The following PPP2R1A variants were observed in gnomAD, a reference collection of about 807,000 sequenced individuals.
PPP2R1A encodes serine/threonine-protein phosphatase 2A 65 kDa regulatory subunit A alpha isoform.
In PPP2R1A, 15 loss-of-function variants were observed where a neutral mutation model predicts 67.1. That is an observed-to-expected ratio of 0.22 (90% CI 0.15 to 0.34). The LOEUF (loss-of-function observed/expected upper bound fraction) is 0.34, where lower values mean the gene tolerates loss of function less well. PPP2R1A is among the 10% of genes least tolerant of loss of function. The pLI, the probability that PPP2R1A is intolerant of heterozygous loss-of-function variation, is 1.00. For synonymous variants in PPP2R1A, 337 were observed against 325.0 expected (o/e 1.04, Z -0.40); for missense variants, 369 against 775.0 (o/e 0.48, Z 6.22).
In PPP2R1A at chr19:52,222,091, G is replaced by GC. The variant is rs1164316458; in HGVS notation, c.1519-3dup. 1.9e-6 allele frequency: 3 copies of GC among 1,604,342 alleles called. No individual in the cohort carries two copies. The highest frequency in any genetic ancestry group is 1.7e-6 in the Non-Finnish European group (2 of 1,175,420). On this transcript the variant is annotated splice_polypyrimidine_tract_variant and splice_region_variant and intron_variant, in intron 12 of 14. Coordinates refer to ENST00000322088, the MANE Select transcript of PPP2R1A (RefSeq NM_014225.6). ...GCATACTCACCCCTGCCACTCACTG[G>GC]CCCCCAGGTGCTGTCTGAGGTCTGT... is the stretch of plus-strand genomic sequence containing the variant.
At chr19:52,221,636 GT>G in intron 12 of PPP2R1A, among the ~76,000 whole-genome samples, 1 of 152,222 alleles carries the variant, frequency 6.6e-6, no homozygotes, top group African/African-American at 2.4e-5. Context: ...GATTAATCAG[GT>G]TATACACGCA....
intron 1 of PPP2R1A, among the ~76,000 whole-genome samples, chr19:52,200,687 G>A (rs1298917631): frequency 6.6e-6 from 1 of 152,174 alleles, no homozygotes; most frequent in African/African-American, 2.4e-5. Context: ...AGGCTCTGAG[G>A]GAGACCCATT....
intron 2 of PPP2R1A, among the ~76,000 whole-genome samples, chr19:52,204,476 T>C (rs2089582619): frequency 6.6e-6 from 1 of 152,088 alleles, no homozygotes; most frequent in Non-Finnish European, 1.5e-5. Flanking sequence ...CAGGCTTGGC[T>C]CAGAAGGAGC....
intron 13 of PPP2R1A, among the ~76,000 whole-genome samples, chr19:52,224,318 T>C (rs1979120644): frequency 6.6e-6 from 1 of 152,216 alleles, no homozygotes; most frequent in Non-Finnish European, 1.5e-5. Flanking sequence ...CAATTGACTC[T>C]TGGTGCAGGC....
Position 52,216,148 on chromosome 19 carries a change from G to C in PPP2R1A, c.993+74G>C, listed in dbSNP as rs1253623986. The C allele has an allele frequency of 2.0e-6, 3 of 1,517,124 alleles. No homozygotes were observed. The East Asian group carries it at 6.8e-5, about 34-fold the overall frequency. The allele number at this position is 1,517,124 out of a possible 1,614,324, so 94.0% of individuals were successfully genotyped here. On this transcript the variant is annotated intron_variant, in intron 8 of 14. Coordinates refer to ENST00000322088, the MANE Select transcript of PPP2R1A (RefSeq NM_014225.6). This position sits in a 1 kb window ranked among gnomAD's most constrained non-coding sequence, Gnocchi z 4.3. ...AAAGAGGGGCTGGAGACAAGGCTTTGGGGATAGTCAGCTGCAAACTAGGTT... is the reference window on the plus strand; with the variant it reads ...AAAGAGGGGCTGGAGACAAGGCTTTCGGGATAGTCAGCTGCAAACTAGGTT...
chr19:52,223,765 T>C (rs1979086860), intron 13 of PPP2R1A, among the ~76,000 whole-genome samples: 1 of 152,178 alleles, frequency 6.6e-6, no homozygotes, highest in Admixed American at 6.5e-5. Context: ...CACGTGGGGC[T>C]GTACATTTAG....
chr19:52,225,913 T>C, intron 14 of PPP2R1A, 52 bp from the exon 15 acceptor site: 1 of 1,614,168 alleles, frequency 6.2e-7, no homozygotes. Context: ...CTTGGCATTG[T>C]GGGCAGAGAG....
At chr19:52,200,442 A>T (rs1218421340) in intron 1 of PPP2R1A, 6 of 152,222 alleles carry the variant, frequency 3.9e-5, no homozygotes, top group Non-Finnish European at 8.8e-5. Context: ...CAAAGTGGTG[A>T]AAAGAGGATA....
chr19:52,220,921 G>T, intron 11 of PPP2R1A, 58 bp from the exon 12 acceptor site: 1 of 1,579,490 alleles, frequency 6.3e-7, no homozygotes. Context: ...CCTACATTTT[G>T]CCCACATCAG....
chr19:52,200,491 G>T (rs2089536812), intron 1 of PPP2R1A: 1 of 152,220 alleles, frequency 6.6e-6, no homozygotes, highest in Non-Finnish European at 1.5e-5. Context: ...AGGATCAAAT[G>T]AGGTCCCAAC....
chr19:52,211,713 G>A lies in PPP2R1A; in HGVS notation c.503+221G>A, dbSNP rs2089672457. On this transcript the variant is annotated intron_variant, in intron 4 of 14. Transcript: ENST00000322088. This position sits in a 1 kb window ranked among gnomAD's most constrained non-coding sequence, Gnocchi z 5.3. ...CTGCCCCCTTGCTCACTTAGGAATT[G>A]AGATGATGACAGGTCCTCCTTCCCA... 5.2e-6 allele frequency: 3 copies of A among 579,698 alleles called. No homozygotes were observed. The highest frequency in any genetic ancestry group is 3.1e-6 in the Non-Finnish European group (1 of 327,850). 35.9% of individuals were successfully genotyped at this position (579,698 alleles called of 1,614,324 possible).
At chr19:52,218,043 T>C (rs950344197) in intron 9 of PPP2R1A, among the ~76,000 whole-genome samples, 1 of 152,100 alleles carries the variant, frequency 6.6e-6, no homozygotes, top group Non-Finnish European at 1.5e-5. Flanking sequence ...TATGTAGAGA[T>C]GAGGCTGCAT....
chr19:52,216,957 A>C lies in PPP2R1A; in HGVS notation c.1128+294A>C, dbSNP rs1362147321. 1.3e-5 allele frequency among the ~76,000 whole-genome samples: 2 copies of C among 152,166 alleles called. No homozygotes were observed. Among genetic ancestry groups the C allele is most frequent in the Admixed American group, 6.5e-5 (1 of 15,284 alleles). On this transcript the variant is annotated intron_variant, in intron 9 of 14. Coordinates refer to ENST00000322088, the MANE Select transcript of PPP2R1A (RefSeq NM_014225.6). The surrounding 1 kb of genome is among the most constrained non-coding windows in gnomAD (Gnocchi z 4.3). The stretch of plus-strand genomic sequence containing the variant: ...GTAATCCCAGCACTTTGGGAGGCTG[A>C]GGCGGGTGGATCACCTGAGGTCAGG...
At chr19:52,200,933 T>C (rs188055601) in intron 1 of PPP2R1A, among the ~76,000 whole-genome samples, 202 of 152,110 alleles carry the variant, frequency 1.3e-3, no homozygotes, top group Middle Eastern at 3.4e-3. Flanking sequence ...TGTTTTGACG[T>C]GCACGTCACT....
At position 52,220,233 on chromosome 19, in the gene PPP2R1A, C is replaced by T. The variant is rs1978833382; in HGVS notation, c.1347C>T (p.Ala449=). ...FDEKLNSLCM[A]WLVDHVYAIR... ...AGAAACTTAACTCCTTGTGCATGGC[C>T]TGGCTTGTGGATCATGGTGAGTACC... The change falls in exon 11 of 15, where the codon GCC becomes GCT. Residue 449 remains alanine (A), a synonymous_variant. Coordinates refer to ENST00000322088, the MANE Select transcript of PPP2R1A (RefSeq NM_014225.6). 1 of 1,613,878 alleles carries T rather than the reference C, an allele frequency of 6.2e-7. No homozygotes were observed.
chr19:52,202,122 A>G, intron 2 of PPP2R1A, 88 bp downstream of exon 2: 11 of 1,161,746 alleles, frequency 9.5e-6, no homozygotes, highest in Non-Finnish European at 1.4e-5. Flanking sequence ...GATTTAACAT[A>G]TTGTTTGTGA....
chr19:52,190,274 A>AG lies in PPP2R1A; in HGVS notation c.78+105dup, dbSNP rs1280425152. On this transcript the variant is annotated intron_variant, in intron 1 of 14. Coordinates refer to ENST00000322088, the MANE Select transcript of PPP2R1A (RefSeq NM_014225.6). ...CTCAGCGTTCGCTGGGAGTGGCGGAAGGGGGCGACGGCCAATCAGCGTGCG... is the reference window on the plus strand; with the variant it reads ...CTCAGCGTTCGCTGGGAGTGGCGGAAGGGGGGCGACGGCCAATCAGCGTGCG... The AG allele has an allele frequency of 2.2e-6, 3 of 1,358,610 alleles. No individual in the cohort carries two copies. The African/African-American group carries it at 4.4e-5, about 20-fold the overall frequency. The allele number at this position is 1,358,610 out of a possible 1,614,324, so 84.2% of individuals were successfully genotyped here.
intron 9 of PPP2R1A, among the ~76,000 whole-genome samples, chr19:52,217,058 C>T (rs1397724259): frequency 3.9e-5 from 6 of 152,030 alleles, no homozygotes; most frequent in East Asian, 3.9e-4. Context: ...GGCATGGTGG[C>T]GAGTGCCTGT....
At chr19:52,208,920 C>T (rs1431092169) in intron 3 of PPP2R1A, among the ~76,000 whole-genome samples, 1 of 152,216 alleles carries the variant, frequency 6.6e-6, no homozygotes, top group Non-Finnish European at 1.5e-5. Context: ...CCTGTGTGGT[C>T]TCCAGGTTTG....
Sources: allele counts gnomAD v4.1 joint callset (sites outside exome capture counted in the v4.1 genomes callset), GRCh38; gene constraint gnomAD v4.1.1; non-coding constraint Gnocchi (gnomAD v3.1); transcripts MANE v1.5; gene names NCBI Gene and HGNC (gene_info 2026-07-23, HGNC 2026-07-21).